PIP5K1B: variants seen among roughly 807,000 people sequenced by gnomAD.
PIP5K1B encodes the protein phosphatidylinositol 4-phosphate 5-kinase type-1 beta.
Under a neutral mutation model 67.0 loss-of-function variants are expected in PIP5K1B, and 42 were observed. The ratio of observed to expected loss-of-function variants is 0.63; its 90% CI spans 0.49 to 0.81. The LOEUF (loss-of-function observed/expected upper bound fraction) is 0.81. Ranked by LOEUF, PIP5K1B falls within the 30% of genes least tolerant of loss-of-function variation. The pLI is 0.00. For missense variants in PIP5K1B, 459 were observed against 646.3 expected (o/e 0.71, Z 3.14); for synonymous variants, 214 against 231.4 (o/e 0.92, Z 0.68).
intron 14 of PIP5K1B, among the ~76,000 whole-genome samples, chr9:68,988,443 G>GT (rs1564296336): frequency 2.4e-4 from 28 of 119,072 alleles, no homozygotes; most frequent in African/African-American, 5.2e-4. Flanking sequence ...GTTTTTTTGG[G>GT]GTTTTTTTTT....
chr9:68,713,860 A>G (rs1827511196), intron 1 of PIP5K1B, among the ~76,000 whole-genome samples: 1 of 152,206 alleles, frequency 6.6e-6, no homozygotes, highest in South Asian at 2.1e-4. Context: ...GCACTCCTCA[A>G]GTGCTGTTTC....
chr9:68,994,501 A>G (rs1357135910), intron 15 of PIP5K1B, among the ~76,000 whole-genome samples: 1 of 152,212 alleles, frequency 6.6e-6, no homozygotes, highest in Admixed American at 6.5e-5. Context: ...GCTTAATGGA[A>G]GAAAAAAGAT....
chr9:68,760,891 C>T (rs1392157730), intron 2 of PIP5K1B, among the ~76,000 whole-genome samples: 2 of 152,046 alleles, frequency 1.3e-5, no homozygotes, highest in Non-Finnish European at 2.9e-5. Context: ...CTCAAATTTT[C>T]CTGTTGACAT....
chr9:68,863,422 C>G (rs934077479), intron 4 of PIP5K1B, among the ~76,000 whole-genome samples: 1 of 152,106 alleles, frequency 6.6e-6, no homozygotes, highest in Non-Finnish European at 1.5e-5. Flanking sequence ...CACATACACA[C>G]ACACACGCAC....
intron 11 of PIP5K1B, among the ~76,000 whole-genome samples, chr9:68,920,793 T>TACACACACACACAC (rs879535374): frequency 1.7e-4 from 23 of 133,782 alleles, no homozygotes; most frequent in Middle Eastern, 3.8e-3. Context: ...CTCACACACA[T>TACACACACACACAC]ACACACACAT....
chr9:68,803,276 G>T (rs937242394), intron 2 of PIP5K1B, among the ~76,000 whole-genome samples: 5 of 152,130 alleles, frequency 3.3e-5, no homozygotes, highest in African/African-American at 1.2e-4. Context: ...AAAGCAGCTG[G>T]GAATATAAAT....
intron 8 of PIP5K1B, among the ~76,000 whole-genome samples, chr9:68,908,542 T>C (rs1825723168): frequency 6.6e-6 from 1 of 152,202 alleles, no homozygotes; most frequent in African/African-American, 2.4e-5. Flanking sequence ...GGATTTAATA[T>C]TTATTTCATT....
intron 4 of PIP5K1B, among the ~76,000 whole-genome samples, chr9:68,848,244 A>T (rs1260164108): frequency 6.6e-6 from 1 of 152,228 alleles, no homozygotes; most frequent in Admixed American, 6.5e-5. Context: ...GAGTGGAGTT[A>T]TGGCAAGAAA....
At chr9:68,895,287 A>C (rs1280565792) in intron 8 of PIP5K1B, among the ~76,000 whole-genome samples, 2 of 144,550 alleles carry the variant, frequency 1.4e-5, no homozygotes, top group Non-Finnish European at 1.5e-5. Context: ...AAAAAAAAAA[A>C]CTAAGGGAAG....
intron 4 of PIP5K1B, among the ~76,000 whole-genome samples, chr9:68,824,669 T>G (rs2132080221): frequency 6.6e-6 from 1 of 152,258 alleles, no homozygotes; most frequent in East Asian, 1.9e-4. Flanking sequence ...CACTTAGAAC[T>G]TCAGCCCTTA....
At chr9:68,878,210 T>A (rs1824001485) in intron 6 of PIP5K1B, among the ~76,000 whole-genome samples, 1 of 152,218 alleles carries the variant, frequency 6.6e-6, no homozygotes, top group African/African-American at 2.4e-5. Flanking sequence ...ATGGATTCTC[T>A]TTCTGAATTT....
chr9:68,769,192 A>G (rs987142810), intron 2 of PIP5K1B, among the ~76,000 whole-genome samples: 3 of 152,186 alleles, frequency 2.0e-5, no homozygotes, highest in African/African-American at 4.8e-5. Flanking sequence ...ATCTTCCTCA[A>G]TGCATTCTTT....
chr9:68,825,252 A>T (rs1255178560), intron 4 of PIP5K1B, among the ~76,000 whole-genome samples: 1 of 152,216 alleles, frequency 6.6e-6, no homozygotes, highest in Non-Finnish European at 1.5e-5. Flanking sequence ...AAGATTCGCT[A>T]GTCTCCTTTC....
At chr9:68,947,139 T>C (rs11144442) in intron 14 of PIP5K1B, among the ~76,000 whole-genome samples, 22,487 of 152,068 alleles carry the variant, frequency 0.15, 2,442 homozygotes, top group African/African-American at 0.31. Flanking sequence ...TTTCAGGAAA[T>C]GGAAAACACA....
At chr9:68,982,570 A>G (rs1829925323) in intron 14 of PIP5K1B, among the ~76,000 whole-genome samples, 1 of 152,172 alleles carries the variant, frequency 6.6e-6, no homozygotes, top group South Asian at 2.1e-4. Context: ...CAGCCTGGCC[A>G]ACATGGTGAA....
intron 2 of PIP5K1B, among the ~76,000 whole-genome samples, chr9:68,803,801 G>A (rs1832726973): frequency 6.6e-6 from 1 of 152,214 alleles, no homozygotes; most frequent in Non-Finnish European, 1.5e-5. Flanking sequence ...GGTATTTGGG[G>A]TAGGCAAATG....
chr9:69,000,694 G>A (rs183867051), intron 15 of PIP5K1B, among the ~76,000 whole-genome samples: 1 of 152,196 alleles, frequency 6.6e-6, no homozygotes, highest in Admixed American at 6.5e-5. Flanking sequence ...CCCAACCTGT[G>A]GCCTCGTTTT....
At chr9:68,970,740 C>T (rs1587739079) in intron 14 of PIP5K1B, among the ~76,000 whole-genome samples, 1 of 152,298 alleles carries the variant, frequency 6.6e-6, no homozygotes, top group East Asian at 1.9e-4. Flanking sequence ...GATTTGAGCA[C>T]CCCCTGCGAT....
chr9:68,936,824 T>C (rs1410066580), intron 13 of PIP5K1B, among the ~76,000 whole-genome samples: 1 of 152,192 alleles, frequency 6.6e-6, no homozygotes. Context: ...TCCCACACTA[T>C]ACTACCTGAT....
Sources: gnomAD v4.1 joint callset for allele counts (sites outside exome capture counted in the v4.1 genomes callset) on GRCh38, gnomAD v4.1.1 for gene constraint, MANE v1.5 for transcripts, NCBI Gene and HGNC (gene_info 2026-07-23, HGNC 2026-07-21) for gene names.